MUC22: variants seen among roughly 807,000 people sequenced by gnomAD.
MUC22 encodes the protein mucin-22.
Under a neutral mutation model 40.3 loss-of-function variants are expected in MUC22, and 24 were observed. The observed-to-expected ratio is 0.60, with a 90% CI of 0.43 to 0.84. The LOEUF is 0.84. MUC22 is among the 40% of genes least tolerant of loss of function. The probability of loss-of-function intolerance (pLI) is 0.00; values close to 1 mark genes in which losing one functional copy is unlikely to be tolerated. For missense variants in MUC22, 1,926 were observed against 2,130.7 expected (o/e 0.90, Z 1.89); for synonymous variants, 765 against 844.5 (o/e 0.91, Z 1.63).
rs1413659644 is a variant in MUC22, at chr6:31,032,429, G to A, written c.4903G>A (p.Val1635Met). The change falls in exon 3 of 4, where the codon GTG (valine) becomes ATG (methionine). Residue 1635 changes from valine to methionine, a missense_variant. By Grantham distance (21) the Val-to-Met change is conservative (BLOSUM62 1). Transcript: ENST00000561890. This position sits in a 1 kb window ranked among gnomAD's most constrained non-coding sequence, Gnocchi z 4.1. ...CAGCACCTTCCAGGAAACAGGCCCGGTGTCCATGGGCACAAACACAGTTAG... is the reference window on the plus strand; with the variant it reads ...CAGCACCTTCCAGGAAACAGGCCCGATGTCCATGGGCACAAACACAGTTAG... 1.3e-6 allele frequency: 2 copies of A among 1,535,588 alleles called. No homozygotes were observed. Among genetic ancestry groups the A allele is most frequent in the Admixed American group, 2.0e-5 (1 of 50,980 alleles).
chr6:31,021,704 T>C (rs9501343), intron 1 of MUC22, among the ~76,000 whole-genome samples: 1 of 151,976 alleles, frequency 6.6e-6, no homozygotes, highest in Non-Finnish European at 1.5e-5. Context: ...AGAACCTTTG[T>C]ATGTAGCTCA....
intron 1 of MUC22, among the ~76,000 whole-genome samples, chr6:31,014,143 A>G (rs949155857): frequency 4.6e-5 from 7 of 152,188 alleles, no homozygotes; most frequent in Non-Finnish European, 5.9e-5. Context: ...CTCTAGTAAC[A>G]TTTATAACTG....
intron 3 of MUC22, among the ~76,000 whole-genome samples, chr6:31,033,292 T>C (rs1463994032): frequency 7.6e-5 from 10 of 132,186 alleles, no homozygotes; most frequent in Non-Finnish European, 1.5e-4. Flanking sequence ...AGAAAGAAAC[T>C]GAGAGAGAAA....
chr6:31,029,525 C>T lies in MUC22; in HGVS notation c.4094C>T (p.Thr1365Ile). Residue 1365 changes from threonine (T) to isoleucine (I), a missense_variant, in exon 2 of 4, where the codon ACT becomes ATT. Coordinates refer to ENST00000561890, the Ensembl canonical transcript of MUC22. ...ACAGTCTATATCACAGGCTCTAAGA[C>T]TACCACCGCCTCTACTGAAGGCTCT... 2.6e-6 allele frequency: 4 copies of T among 1,529,262 alleles called. 1 individual carries two copies. The East Asian group carries it at 7.4e-5, about 28-fold the overall frequency. 94.7% of individuals were successfully genotyped at this position (1,529,262 alleles called of 1,614,324 possible).
chr6:31,024,625 A>G (rs1765124420), intron 1 of MUC22, among the ~76,000 whole-genome samples: 1 of 152,210 alleles, frequency 6.6e-6, no homozygotes, highest in Admixed American at 6.5e-5. Flanking sequence ...AAGAGTTTAG[A>G]ATATAAAGAA....
chr6:31,034,652 T>C lies in MUC22; in HGVS notation c.5056-20T>C. The C allele has an allele frequency of 6.6e-7, 1 of 1,514,472 alleles. No homozygotes were observed. Among genetic ancestry groups the C allele is most frequent in the Non-Finnish European group, 8.8e-7 (1 of 1,132,852 alleles). The allele number at this position is 1,514,472 out of a possible 1,614,324, so 93.8% of individuals were successfully genotyped here. On this transcript the variant is annotated intron_variant, in intron 3 of 3. Transcript: ENST00000561890. ...GAGACTTAATTTTCATTTATCAATG[T>C]ATTTATTTTTTTCTTTTAGAGAAAC...
At chr6:31,031,498 A>G (rs1403109115) in intron 2 of MUC22, among the ~76,000 whole-genome samples, 5 of 152,050 alleles carry the variant, frequency 3.3e-5, no homozygotes, top group Non-Finnish European at 7.4e-5. Context: ...CACTTATTTG[A>G]TCTGCTTTGA....
At chr6:31,023,378 ATAAAAAT>A (rs1765031327) in intron 1 of MUC22, among the ~76,000 whole-genome samples, 1 of 152,044 alleles carries the variant, frequency 6.6e-6, no homozygotes, top group Non-Finnish European at 1.5e-5. Flanking sequence ...TTTACAAGAA[ATAAAAAT>A]TAAAAAGTAA....
Position 31,032,420 on chromosome 6 carries a change from A to G in MUC22, c.4894A>G (p.Thr1632Ala). ...GCCAACCAGCAGCACCTTCCAGGAA[A>G]CAGGCCCGGTGTCCATGGGCACAAA... The change falls in exon 3 of 4, where the codon ACA becomes GCA. Residue 1632 changes from threonine (T) to alanine (A), a missense_variant. Thr to Ala is a moderately conservative substitution (Grantham distance 58). This residue lies in a region of MUC22 where 610 missense variants were observed against 714.6 expected (regional missense o/e 0.85). Coordinates refer to ENST00000561890, the Ensembl canonical transcript of MUC22. This position sits in a 1 kb window ranked among gnomAD's most constrained non-coding sequence, Gnocchi z 4.1. 1 of 1,535,734 alleles carries G rather than the reference A, an allele frequency of 6.5e-7. No homozygotes were observed. The highest frequency in any genetic ancestry group is 1.2e-5 in the South Asian group (1 of 84,064).
rs1048607541 is a variant in MUC22, at chr6:31,027,359, C to CT, written c.1929dup (p.Glu644Ter). 4.6e-6 allele frequency: 7 copies of CT among 1,533,334 alleles called. No homozygotes were observed. In the African/African-American group the frequency reaches 9.7e-5, roughly 21 times the overall value. The allele number at this position is 1,533,334 out of a possible 1,614,324, so 95.0% of individuals were successfully genotyped here. On this transcript the variant is annotated frameshift_variant, in exon 2 of 4. Transcript: ENST00000561890. LOFTEE classifies it high-confidence loss of function. ...ACCACCACAGCTTCCACTGAAGGCT[C>CT]TGAGGCCACTACAGTCTCCACCACA... is the stretch of plus-strand genomic sequence containing the variant.
chr6:31,020,745 G>T (rs9262506), intron 1 of MUC22, among the ~76,000 whole-genome samples: 21,901 of 152,150 alleles, frequency 0.14, 1,747 homozygotes, highest in African/African-American at 0.19. Context: ...CGGGAACCGG[G>T]ACTGTGCGCG....
At chr6:31,034,552 G>T (rs1242232720) in intron 3 of MUC22, 120 bp from the exon 4 acceptor site, 2 of 768,854 alleles carry the variant, frequency 2.6e-6, no homozygotes, top group South Asian at 1.9e-5. Context: ...GTGGTAAAGA[G>T]AAGAGAACAT....
At chr6:31,013,888 T>G (rs1764019468) in intron 1 of MUC22, among the ~76,000 whole-genome samples, 1 of 151,942 alleles carries the variant, frequency 6.6e-6, no homozygotes, top group Non-Finnish European at 1.5e-5. Flanking sequence ...TTTTTTTTCC[T>G]GCTTTGGGCA....
At position 31,029,378 on chromosome 6, in the gene MUC22, CCA is replaced by C; in HGVS notation, c.3950_3951del (p.Thr1317SerfsTer7). 1 of 1,535,196 alleles carries C rather than the reference CCA, an allele frequency of 6.5e-7. No homozygotes were observed. The highest frequency in any genetic ancestry group is 8.7e-7 in the Non-Finnish European group (1 of 1,146,706). ...ACCTCTACTGAAGGCTCTGAGACAA[CCA>C]CAGTCTCTACCACGGGCTCTGAGAC... On this transcript the variant is annotated frameshift_variant, in exon 2 of 4. Coordinates refer to ENST00000561890, the Ensembl canonical transcript of MUC22. LOFTEE classifies it high-confidence loss of function.
chr6:31,008,012 C>T (rs1581591353), upstream of MUC22, among the ~76,000 whole-genome samples: 1 of 152,210 alleles, frequency 6.6e-6, no homozygotes, highest in African/African-American at 2.4e-5. Flanking sequence ...TTATATTCCG[C>T]ATACTTTCTA....
intron 1 of MUC22, among the ~76,000 whole-genome samples, chr6:31,016,988 A>G (rs9262474): frequency 0.38 from 58,466 of 151,886 alleles, 11,448 homozygotes; most frequent in East Asian, 0.47. Context: ...CAGCAGTGCC[A>G]GCGGGTGCTG....
upstream of MUC22, among the ~76,000 whole-genome samples, chr6:31,009,842 C>T (rs1763744764): frequency 6.6e-6 from 1 of 152,180 alleles, no homozygotes; most frequent in Non-Finnish European, 1.5e-5. Flanking sequence ...AGAGCCATTG[C>T]CAAAGATTGA....
exon 2 of MUC22, chr6:31,029,937 C>G: frequency 6.6e-7 from 1 of 1,517,876 alleles, no homozygotes; most frequent in African/African-American, 1.4e-5. Flanking sequence ...CCACTGCAAG[C>G]TTGGAGCCCA....
upstream of MUC22, among the ~76,000 whole-genome samples, chr6:31,008,870 C>T (rs7766113): frequency 0.15 from 22,979 of 151,878 alleles, 1,795 homozygotes; most frequent in Admixed American, 0.2. Flanking sequence ...TTTTAATTCT[C>T]CCCCCAAGCT....
Sources: allele counts gnomAD v4.1 joint callset (sites outside exome capture counted in the v4.1 genomes callset), GRCh38; gene constraint gnomAD v4.1.1; regional missense constraint gnomAD v4.1.1; non-coding constraint Gnocchi (gnomAD v3.1); transcripts MANE v1.5; gene names NCBI Gene and HGNC (gene_info 2026-07-23, HGNC 2026-07-21).